The following ADGRG4 variants were observed in gnomAD, a reference collection of about 807,000 sequenced individuals.
ADGRG4 encodes the protein adhesion G protein-coupled receptor G4.
ADGRG4 carries 122 observed loss-of-function variants against 126.2 expected under a neutral mutation model. The ratio of observed to expected loss-of-function variants is 0.97; its 90% CI spans 0.83 to 1.12. The LOEUF (loss-of-function observed/expected upper bound fraction) is 1.12. Ranked by LOEUF, ADGRG4 falls within the 50% of genes most tolerant of loss-of-function variation. The pLI, the probability that ADGRG4 is intolerant of heterozygous loss-of-function variation, is 0.00. For synonymous variants in ADGRG4, 943 were observed against 838.7 expected, an observed-to-expected ratio of 1.12 and a Z score of -2.15; for missense variants, 2,481 against 2,251.8, an observed-to-expected ratio of 1.10 and a Z score of -2.06.
At position 136,347,679 on chromosome X, in the gene ADGRG4, G is replaced by A; in HGVS notation, c.3973G>A (p.Asp1325Asn). The part of the protein sequence containing the change: ...PSEIPLGTPS[D>N]GNLASSPTSG... ...AGAGATTCCACTTGGGACTCCCTCTGATGGAAATTTGGCTTCATCTCCCAC... is the reference window on the plus strand; with the variant it reads ...AGAGATTCCACTTGGGACTCCCTCTAATGGAAATTTGGCTTCATCTCCCAC... The change falls in exon 6 of 26, where the codon GAT becomes AAT. Residue 1325 changes from aspartate (D) to asparagine (N), a missense_variant. Coordinates refer to ENST00000394143, the MANE Select transcript of ADGRG4 (RefSeq NM_153834.4). The A allele has an allele frequency of 8.3e-7, 1 of 1,210,838 alleles. No homozygotes were observed. The highest frequency in any genetic ancestry group is 1.1e-6 in the Non-Finnish European group (1 of 894,817).
In ADGRG4 at chrX:136,349,416, T is replaced by C. The variant is rs773565381; in HGVS notation, c.5710T>C (p.Ser1904Pro). ...TTCCACCACTATTAATGTACCTACA[T>C]CCAATGAGATGGAAACAGAGACTCT... ...PISTTINVPTSNEMETETLHL... is the reference protein window; with the variant it reads ...PISTTINVPTPNEMETETLHL... Residue 1904 changes from serine to proline, a missense_variant, in exon 6 of 26, where the codon TCC becomes CCC. Coordinates refer to ENST00000394143, the MANE Select transcript of ADGRG4 (RefSeq NM_153834.4). 1.7e-6 allele frequency: 2 copies of C among 1,204,522 alleles called. No individual in the cohort carries two copies. Among genetic ancestry groups the C allele is most frequent in the Middle Eastern group, 2.3e-4 (1 of 4,335 alleles).
intron 5 of ADGRG4, among the ~76,000 whole-genome samples, chrX:136,331,320 T>A (rs146003899): frequency 1.3e-3 from 143 of 112,448 alleles, no homozygotes; most frequent in African/African-American, 4.5e-3. Context: ...AGTGCAGATA[T>A]CTCTTTGAAA....
intron 13 of ADGRG4, among the ~76,000 whole-genome samples, chrX:136,366,483 A>G (rs1273402182): frequency 8.9e-6 from 1 of 112,612 alleles, no homozygotes; most frequent in Non-Finnish European, 1.9e-5. Flanking sequence ...CTACGAATAC[A>G]GCTACTATAA....
chrX:136,307,260 T>C (rs1023169431), intron 3 of ADGRG4, among the ~76,000 whole-genome samples: 1 of 112,510 alleles, frequency 8.9e-6, no homozygotes, highest in African/African-American at 3.2e-5. Context: ...TTTGATCCTC[T>C]TCAAGAGCAG....
intron 13 of ADGRG4, among the ~76,000 whole-genome samples, chrX:136,365,293 C>G (rs183819510): frequency 3.6e-5 from 4 of 111,451 alleles, no homozygotes; most frequent in African/African-American, 1.3e-4. Context: ...ATTCCTCCCC[C>G]ACCCCAGCTC....
chrX:136,345,367 C>T lies in ADGRG4; in HGVS notation c.1661C>T (p.Ser554Phe). 1 of 1,211,047 alleles carries T rather than the reference C, an allele frequency of 8.3e-7. No homozygotes were observed. ...MSTSMSKETS[S>F]KTFSFLTSFS... The stretch of plus-strand genomic sequence containing the variant: ...ACTTCCATGTCGAAAGAGACCTCCT[C>T]TAAGACCTTTTCTTTCTTAACATCC... Residue 554 changes from serine to phenylalanine, a missense_variant, in exon 6 of 26, where the codon TCT (serine) becomes TTT (phenylalanine). By Grantham distance (155) the Ser-to-Phe change is radical. Coordinates refer to ENST00000394143, the MANE Select transcript of ADGRG4 (RefSeq NM_153834.4).
At chrX:136,306,465 G>A (rs2074733922) in intron 3 of ADGRG4, among the ~76,000 whole-genome samples, 1 of 110,654 alleles carries the variant, frequency 9.0e-6, no homozygotes, top group Admixed American at 9.7e-5. Context: ...AGAATCACAG[G>A]AAGTATAAAG....
intron 3 of ADGRG4, among the ~76,000 whole-genome samples, chrX:136,306,367 CTCTT>C (rs1376087902): frequency 9.0e-6 from 1 of 111,490 alleles, no homozygotes; most frequent in Non-Finnish European, 1.9e-5. Context: ...TTCTCTTTTC[CTCTT>C]TCTTTACTTT....
chrX:136,340,654 A>G (rs1188213699), intron 5 of ADGRG4, among the ~76,000 whole-genome samples: 1 of 111,180 alleles, frequency 9.0e-6, no homozygotes, highest in Non-Finnish European at 1.9e-5. Flanking sequence ...GGGTGTTTCC[A>G]TATAAATTGA....
chrX:136,389,897 T>G (rs892236136), intron 16 of ADGRG4, among the ~76,000 whole-genome samples: 1 of 112,041 alleles, frequency 8.9e-6, no homozygotes, highest in African/African-American at 3.2e-5. Flanking sequence ...CCACTGGTTA[T>G]TGGGGAAAGA....
intron 18 of ADGRG4, among the ~76,000 whole-genome samples, chrX:136,395,093 C>T (rs2075339332): frequency 9.0e-6 from 1 of 110,609 alleles, no homozygotes; most frequent in South Asian, 3.8e-4. Flanking sequence ...TGCTTGCTTC[C>T]TATTTATTGG....
chrX:136,301,347 A>G (rs1217792650), intron 1 of ADGRG4, among the ~76,000 whole-genome samples: 31 of 112,164 alleles, frequency 2.8e-4, no homozygotes, highest in East Asian at 5.6e-4. Context: ...GTGATGATGA[A>G]CATTTTTTCA....
At chrX:136,344,182 T>A (rs866306888) in intron 5 of ADGRG4, among the ~76,000 whole-genome samples, 2 of 111,585 alleles carry the variant, frequency 1.8e-5, no homozygotes, top group Admixed American at 9.5e-5. Context: ...ATGGATATCT[T>A]CCTACCAGTT....
intron 11 of ADGRG4, among the ~76,000 whole-genome samples, chrX:136,359,865 T>C (rs917629433): frequency 8.9e-5 from 10 of 111,908 alleles, no homozygotes; most frequent in Non-Finnish European, 3.8e-5. Context: ...TGTCCCAGAT[T>C]TCTCTCATGG....
At chrX:136,316,343 T>C (rs956765331) in intron 4 of ADGRG4, among the ~76,000 whole-genome samples, 1 of 111,208 alleles carries the variant, frequency 9.0e-6, no homozygotes, top group Non-Finnish European at 1.9e-5. Flanking sequence ...ATAGGATATG[T>C]CTGATGTTAC....
chrX:136,373,080 G>A lies in ADGRG4; in HGVS notation c.7776+16G>A. ...AGACCCTGAGGTGAGTGCAGCTCAG[G>A]GAACTGAGAGCCAATCAGCCAAGCA... On this transcript the variant is annotated intron_variant, in intron 15 of 25. Transcript: ENST00000394143. 1 of 1,174,111 alleles carries A rather than the reference G, an allele frequency of 8.5e-7. No homozygotes were observed. Among genetic ancestry groups the A allele is most frequent in the South Asian group, 2.0e-5 (1 of 51,196 alleles).
intron 24 of ADGRG4, among the ~76,000 whole-genome samples, chrX:136,413,135 T>TTAGG (rs2075455746): frequency 1.8e-5 from 2 of 109,178 alleles, no homozygotes; most frequent in Admixed American, 9.8e-5. Context: ...ATGTGCACAT[T>TTAGG]GTGCAGGTTA....
At chrX:136,301,798 A>T (rs1386480890) in intron 1 of ADGRG4, among the ~76,000 whole-genome samples, 1 of 111,588 alleles carries the variant, frequency 9.0e-6, no homozygotes, top group Non-Finnish European at 1.9e-5. Context: ...CTTTCTCCAT[A>T]TGGCTAGCCA....
chrX:136,317,390 C>T (rs1329145809), intron 4 of ADGRG4, among the ~76,000 whole-genome samples: 2 of 106,650 alleles, frequency 1.9e-5, no homozygotes, highest in Non-Finnish European at 3.9e-5. Flanking sequence ...TTCCCAGCTA[C>T]TCGGGAGGCT....
Sources: allele counts gnomAD v4.1 joint callset (sites outside exome capture counted in the v4.1 genomes callset), GRCh38; gene constraint gnomAD v4.1.1; transcripts MANE v1.5; gene names NCBI Gene and HGNC (gene_info 2026-07-23, HGNC 2026-07-21).